The following WDR86 variants were observed in gnomAD, a reference collection of about 807,000 sequenced individuals.
WDR86 encodes WD repeat-containing protein 86.
In WDR86, 30 loss-of-function variants were observed where a neutral mutation model predicts 36.5. The observed-to-expected ratio is 0.82, with a 90% confidence interval of 0.61 to 1.11. The LOEUF is 1.11. WDR86 is among the 50% of genes most tolerant of loss of function. The pLI is 0.00. For synonymous variants in WDR86, 255 were observed against 252.9 expected, an observed-to-expected ratio of 1.01 and a Z score of -0.08; for missense variants, 545 against 561.2, an observed-to-expected ratio of 0.97 and a Z score of 0.29.
intron 2 of WDR86, 43 bp from the exon 3 acceptor site, chr7:151,396,239 T>C: frequency 6.2e-7 from 1 of 1,608,334 alleles, no homozygotes; most frequent in East Asian, 2.2e-5. Flanking sequence ...AAGGCACGGG[T>C]TCCAGAATCC....
At chr7:151,373,121 G>A (rs187182176), downstream of WDR86, among the ~76,000 whole-genome samples, 470 of 152,274 alleles carry the variant, frequency 3.1e-3, 16 homozygotes, top group Admixed American at 0.026. Context: ...GCCTGGGCTG[G>A]GCAGGAGGCA....
At chr7:151,410,048 C>T (rs535696042), upstream of WDR86, 170 of 987,894 alleles carry the variant, frequency 1.7e-4, 1 homozygote, top group East Asian at 0.016. Flanking sequence ...TCCAGCCTGG[C>T]TCCTCCTCAG....
chr7:151,402,656 G>A (rs753970121), intron 1 of WDR86, among the ~76,000 whole-genome samples: 55 of 152,222 alleles, frequency 3.6e-4, no homozygotes, highest in African/African-American at 1.0e-3. Context: ...CTGAGTGATC[G>A]GTAGAGATGA....
chr7:151,409,283 C>T lies in WDR86; in HGVS notation c.163+144G>A. 7.4e-7 allele frequency: 1 copy of T among 1,349,958 alleles called. No homozygotes were observed. The highest frequency in any genetic ancestry group is 1.4e-5 in the African/African-American group (1 of 69,332). The allele number at this position is 1,349,958 out of a possible 1,614,324, so 83.6% of individuals were successfully genotyped here. ...GCGCTCAACAGCCAGATGCTGGGCC[C>T]AGACAAGCGCTCTTCCGCTAGTGTG... is the stretch of plus-strand genomic sequence containing the variant. On this transcript the variant is annotated intron_variant, in intron 1 of 5. Coordinates refer to ENST00000334493, the MANE Select transcript of WDR86 (RefSeq NM_198285.3). This position sits in a 1 kb window ranked among gnomAD's most constrained non-coding sequence, Gnocchi z 5.2.
intron 3 of WDR86, among the ~76,000 whole-genome samples, chr7:151,392,359 A>T (rs1174972771): frequency 6.7e-6 from 1 of 148,698 alleles, no homozygotes; most frequent in Non-Finnish European, 1.5e-5. Flanking sequence ...CTGACTCCTC[A>T]TTAGGGAACA....
At chr7:151,387,941 A>G (rs577744320) in intron 3 of WDR86, among the ~76,000 whole-genome samples, 1 of 152,372 alleles carries the variant, frequency 6.6e-6, no homozygotes, top group African/African-American at 2.4e-5. Context: ...AACGTGAGAA[A>G]CAAGGACCTC....
chr7:151,407,507 C>T (rs762532062), intron 1 of WDR86, among the ~76,000 whole-genome samples: 1 of 152,166 alleles, frequency 6.6e-6, no homozygotes, highest in Non-Finnish European at 1.5e-5. Flanking sequence ...GCTCCCGGGG[C>T]CAGCTGTGCA....
At chr7:151,380,013 T>C (rs918845255), downstream of WDR86, among the ~76,000 whole-genome samples, 20 of 152,226 alleles carry the variant, frequency 1.3e-4, no homozygotes, top group African/African-American at 4.8e-4. Flanking sequence ...ATGCCCCTTG[T>C]GGCAGCCACA....
downstream of WDR86, chr7:151,376,558 G>A (rs1798268092): frequency 7.2e-7 from 1 of 1,380,028 alleles, no homozygotes; most frequent in Middle Eastern, 2.3e-4. Context: ...AGAGTCGGCT[G>A]TCCACTCGTA....
the WDR86 span, chr7:151,369,031 A>T: frequency 7.4e-6 from 7 of 947,262 alleles, no homozygotes; most frequent in Non-Finnish European, 1.0e-5. Flanking sequence ...TTCTTGAGAC[A>T]GAGTCTCACT....
At chr7:151,398,839 C>T (rs1162798745) in intron 2 of WDR86, among the ~76,000 whole-genome samples, 1 of 152,182 alleles carries the variant, frequency 6.6e-6, no homozygotes. Context: ...CAGCTGAGGG[C>T]CCACTGGTCA....
chr7:151,375,999 G>C, exon 2 of WDR86: 1 of 1,070,144 alleles, frequency 9.3e-7, no homozygotes, highest in Admixed American at 1.7e-5. Context: ...GGGTTGCTTG[G>C]GGTAACCCGG....
In WDR86 at chr7:151,381,297, G is replaced by A; in HGVS notation, c.*285C>T. 1.5e-6 allele frequency: 2 copies of A among 1,315,686 alleles called. No individual in the cohort carries two copies. The highest frequency in any genetic ancestry group is 1.9e-6 in the Non-Finnish European group (2 of 1,036,650). 81.5% of individuals were successfully genotyped at this position (1,315,686 alleles called of 1,614,324 possible). A position where few individuals can be genotyped will look rare whatever the true frequency, so the allele number is the denominator to read the frequency against. On this transcript the variant is annotated 3_prime_UTR_variant, in exon 6 of 6. Transcript: ENST00000334493. This position sits in a 1 kb window ranked among gnomAD's most constrained non-coding sequence, Gnocchi z 4.8. ...AGTCCGCCTGCAGCCCCTGAGGTGG[G>A]AGGGTCCCCAGGACTAGGCCTTTCG... is the stretch of plus-strand genomic sequence containing the variant.
chr7:151,402,256 G>C (rs1800401031), intron 1 of WDR86, among the ~76,000 whole-genome samples: 1 of 151,506 alleles, frequency 6.6e-6, no homozygotes, highest in South Asian at 2.1e-4. Context: ...GCAGGGTTTA[G>C]ATGTGGCCCT....
Position 151,409,374 on chromosome 7 carries a change from C to A in WDR86, c.163+53G>T. On this transcript the variant is annotated intron_variant, in intron 1 of 5. Coordinates refer to ENST00000334493, the MANE Select transcript of WDR86 (RefSeq NM_198285.3). This position sits in a 1 kb window ranked among gnomAD's most constrained non-coding sequence, Gnocchi z 5.2. The stretch of plus-strand genomic sequence containing the variant: ...GGGCGCAGGAGCTGGGGTCCGCGGT[C>A]TGGGGCCGGTGAGCTGCGGCGAAGA... 1 of 1,546,160 alleles carries A rather than the reference C, an allele frequency of 6.5e-7. No homozygotes were observed. Among genetic ancestry groups the A allele is most frequent in the South Asian group, 1.2e-5 (1 of 83,814 alleles).
chr7:151,375,168 C>G (rs1412812625), downstream of WDR86, among the ~76,000 whole-genome samples: 1 of 152,154 alleles, frequency 6.6e-6, no homozygotes, highest in African/African-American at 2.4e-5. Context: ...CCGGAAGGCT[C>G]CACAAGTCAG....
rs887160937 is a variant in WDR86, at chr7:151,390,160, G to A, written c.727-4937C>T. Among the ~76,000 whole-genome samples the A allele has an allele frequency of 4.6e-5, 7 of 152,186 alleles. No individual in the cohort carries two copies. Among genetic ancestry groups the A allele is most frequent in the Admixed American group, 1.3e-4 (2 of 15,288 alleles). On this transcript the variant is annotated intron_variant, in intron 3 of 5. Coordinates refer to ENST00000334493, the MANE Select transcript of WDR86 (RefSeq NM_198285.3). The surrounding 1 kb of genome is among the most constrained non-coding windows in gnomAD (Gnocchi z 4.5). The stretch of plus-strand genomic sequence containing the variant: ...AGGGACAGTCAGAGCTCGGGGAGAC[G>A]GAGCACTCGCAGGGCCAGGGCTGCG...
intron 1 of WDR86, among the ~76,000 whole-genome samples, chr7:151,400,737 C>T (rs1054495982): frequency 6.6e-6 from 1 of 152,178 alleles, no homozygotes; most frequent in Admixed American, 6.5e-5. Context: ...TCAGAAAGCA[C>T]GGGGTACCAG....
At position 151,408,599 on chromosome 7, in the gene WDR86, G is replaced by A. The variant is rs562729475; in HGVS notation, c.163+828C>T. 1.2e-5 allele frequency: 3 copies of A among 248,972 alleles called. No individual in the cohort carries two copies. In the South Asian group the frequency reaches 1.6e-4, roughly 13 times the overall value. 15.4% of individuals were successfully genotyped at this position (248,972 alleles called of 1,614,324 possible). On this transcript the variant is annotated intron_variant, in intron 1 of 5. Coordinates refer to ENST00000334493, the MANE Select transcript of WDR86 (RefSeq NM_198285.3). ...TGGGCGAGGCCACAGAGAGTTCACT[G>A]ATGATGGTGGAAAAGCCCGCGGTGA...
Sources: gnomAD v4.1 joint callset for allele counts (sites outside exome capture counted in the v4.1 genomes callset) on GRCh38, gnomAD v4.1.1 for gene constraint, Gnocchi (gnomAD v3.1) non-coding constraint, MANE v1.5 for transcripts, NCBI Gene and HGNC (gene_info 2026-07-23, HGNC 2026-07-21) for gene names.